Variants in CAMKMT observed in about 807,000 individuals in gnomAD.
CAMKMT encodes the protein CaM KMT.
Under a neutral mutation model 48.0 loss-of-function variants are expected in CAMKMT, and 53 were observed. The observed-to-expected ratio is 1.10, with a 90% CI of 0.89 to 1.39. The LOEUF is 1.39. Ranked by LOEUF, CAMKMT falls within the 40% of genes most tolerant of loss-of-function variation. The probability of loss-of-function intolerance (pLI) is 0.00; values close to 1 mark genes in which losing one functional copy is unlikely to be tolerated. For synonymous variants in CAMKMT, 165 were observed against 152.3 expected, an observed-to-expected ratio of 1.08 and a Z score of -0.61; for missense variants, 428 against 402.7, an observed-to-expected ratio of 1.06 and a Z score of -0.54.
chr2:44,633,245 A>T (rs904687451), intron 3 of CAMKMT, among the ~76,000 whole-genome samples: 4 of 152,030 alleles, frequency 2.6e-5, no homozygotes, highest in African/African-American at 9.7e-5. Context: ...TTTGATTATG[A>T]TGTGCCTTAA....
At chr2:44,765,578 T>C (rs1390429216) in intron 9 of CAMKMT, among the ~76,000 whole-genome samples, 1 of 151,888 alleles carries the variant, frequency 6.6e-6, no homozygotes, top group African/African-American at 2.4e-5. Context: ...TGTACACATC[T>C]GAGAGGGAGG....
intron 3 of CAMKMT, among the ~76,000 whole-genome samples, chr2:44,403,835 G>A (rs925482751): frequency 6.6e-6 from 1 of 152,114 alleles, no homozygotes; most frequent in East Asian, 1.9e-4. Flanking sequence ...CACTAGAACA[G>A]CATTTCCAGT....
chr2:44,736,397 T>C (rs904829834), intron 7 of CAMKMT, among the ~76,000 whole-genome samples: 1 of 152,248 alleles, frequency 6.6e-6, no homozygotes, highest in African/African-American at 2.4e-5. Flanking sequence ...CATCCTTATC[T>C]TTGTTTTTAT....
chr2:44,726,214 C>T (rs958769878), intron 7 of CAMKMT, among the ~76,000 whole-genome samples: 1 of 152,140 alleles, frequency 6.6e-6, no homozygotes, highest in African/African-American at 2.4e-5. Flanking sequence ...GACAGCTTTC[C>T]ATGGTGGTTG....
chr2:44,734,154 G>A (rs1346619193), intron 7 of CAMKMT, among the ~76,000 whole-genome samples: 1 of 151,098 alleles, frequency 6.6e-6, no homozygotes, highest in African/African-American at 2.4e-5. Flanking sequence ...GCTAGAAACT[G>A]AGTTCACTAA....
At chr2:44,552,794 C>G (rs1208677075) in intron 3 of CAMKMT, among the ~76,000 whole-genome samples, 1 of 152,214 alleles carries the variant, frequency 6.6e-6, no homozygotes, top group Non-Finnish European at 1.5e-5. Context: ...GACCATCAAG[C>G]TAGCCTCTTA....
intron 7 of CAMKMT, among the ~76,000 whole-genome samples, chr2:44,732,536 G>C (rs545110618): frequency 6.6e-6 from 1 of 152,280 alleles, no homozygotes; most frequent in South Asian, 2.1e-4. Flanking sequence ...GGTCCTACTT[G>C]TATGCGCCTT....
chr2:44,726,443 G>A (rs984165925), intron 7 of CAMKMT, among the ~76,000 whole-genome samples: 2 of 152,060 alleles, frequency 1.3e-5, no homozygotes, highest in African/African-American at 2.4e-5. Flanking sequence ...AGAAGTGTCC[G>A]TTCACGTCCT....
intron 2 of CAMKMT, among the ~76,000 whole-genome samples, chr2:44,377,646 G>A (rs183535741): frequency 5.5e-4 from 84 of 152,156 alleles, no homozygotes; most frequent in African/African-American, 2.0e-3. Flanking sequence ...AAAGCTGAGA[G>A]GCCTGAACTG....
chr2:44,510,834 G>A (rs1397003515), intron 3 of CAMKMT, among the ~76,000 whole-genome samples: 1 of 151,660 alleles, frequency 6.6e-6, no homozygotes, highest in East Asian at 1.9e-4. Flanking sequence ...AGTCCCCAAA[G>A]TCCATTATAT....
At chr2:44,421,514 C>T (rs930572161) in intron 3 of CAMKMT, among the ~76,000 whole-genome samples, 4 of 151,954 alleles carry the variant, frequency 2.6e-5, no homozygotes, top group Admixed American at 2.0e-4. Flanking sequence ...AAGATGACAT[C>T]GCTACTCACA....
At position 44,581,638 on chromosome 2, in the gene CAMKMT, T is replaced by G. The variant is rs374215980; in HGVS notation, c.377-122645T>G. Among the ~76,000 whole-genome samples, 243 of 152,356 alleles carry G rather than the reference T, an allele frequency of 1.6e-3. 8 individuals are homozygous for G. The South Asian group carries it at 0.048, about 30-fold the overall frequency. On this transcript the variant is annotated intron_variant, in intron 3 of 10. Transcript: ENST00000378494. ...GCCCAAGGTCTAACATGGGATTACT[T>G]TTATAGACAAAATCATTTTATATAA...
intron 3 of CAMKMT, among the ~76,000 whole-genome samples, chr2:44,565,495 A>G (rs924958603): frequency 3.9e-5 from 6 of 152,134 alleles, no homozygotes; most frequent in African/African-American, 9.7e-5. Flanking sequence ...ACGTAATTTA[A>G]TATTGCCAGA....
At chr2:44,650,086 A>T (rs1340094390) in intron 3 of CAMKMT, among the ~76,000 whole-genome samples, 1 of 152,202 alleles carries the variant, frequency 6.6e-6, no homozygotes, top group East Asian at 1.9e-4. Context: ...AAAGTACCAC[A>T]CACTAAGTTA....
intron 3 of CAMKMT, among the ~76,000 whole-genome samples, chr2:44,633,203 A>T (rs1672937818): frequency 6.6e-6 from 1 of 152,164 alleles, no homozygotes; most frequent in Non-Finnish European, 1.5e-5. Flanking sequence ...GGTGATTATA[A>T]AAAAGAGAAC....
rs372168837 is a variant in CAMKMT at position 44,732,418 on chromosome 2, G to T, written c.624-11204G>T. On this transcript the variant is annotated intron_variant, in intron 7 of 10. Transcript: ENST00000378494. ...ATATAAATTTTACTTTGGTGTCAGTGTAATTACAAGCAACATGTTGACATG... is the reference window on the plus strand; with the variant it reads ...ATATAAATTTTACTTTGGTGTCAGTTTAATTACAAGCAACATGTTGACATG... Among the ~76,000 whole-genome samples, 3 of 152,350 alleles carry T rather than the reference G, an allele frequency of 2.0e-5. No homozygotes were observed. In the South Asian group the frequency reaches 6.2e-4, roughly 32 times the overall value.
At chr2:44,458,129 C>T (rs577773452) in intron 3 of CAMKMT, among the ~76,000 whole-genome samples, 5 of 149,996 alleles carry the variant, frequency 3.3e-5, no homozygotes, top group Admixed American at 1.3e-4. Context: ...TCACTGCAAC[C>T]TCTGCCTCCC....
At chr2:44,416,431 C>G (rs557639421) in intron 3 of CAMKMT, among the ~76,000 whole-genome samples, 1 of 152,162 alleles carries the variant, frequency 6.6e-6, no homozygotes, top group South Asian at 2.1e-4. Context: ...TGTTTTTCTT[C>G]CAGTCAAATA....
chr2:44,504,675 G>C (rs1670171360), intron 3 of CAMKMT, among the ~76,000 whole-genome samples: 1 of 152,098 alleles, frequency 6.6e-6, no homozygotes, highest in African/African-American at 2.4e-5. Flanking sequence ...GATGTATGGT[G>C]ATATCTCATT....
Sources: gnomAD v4.1 joint callset for allele counts (sites outside exome capture counted in the v4.1 genomes callset) on GRCh38, gnomAD v4.1.1 for gene constraint, MANE v1.5 for transcripts, NCBI Gene and HGNC (gene_info 2026-07-23, HGNC 2026-07-21) for gene names.